The following CTNNA2 variants were observed in gnomAD, a reference collection of about 807,000 sequenced individuals.
CTNNA2 encodes the protein catenin alpha 2, also known as catenin alpha-2.
In CTNNA2, 42 loss-of-function variants were observed where a neutral mutation model predicts 101.0. The ratio of observed to expected loss-of-function variants is 0.42; its 90% confidence interval spans 0.32 to 0.54. The LOEUF is 0.54. Among genes scored for constraint, CTNNA2 ranks in the 20% least tolerant of loss-of-function variants. CTNNA2 has a pLI of 0.14. For synonymous variants in CTNNA2, 450 were observed against 456.4 expected (o/e 0.99, Z 0.18); for missense variants, 871 against 1,223.1 (o/e 0.71, Z 4.29).
intron 7 of CTNNA2, among the ~76,000 whole-genome samples, chr2:80,120,775 C>T (rs148379450): frequency 2.6e-5 from 4 of 152,184 alleles, no homozygotes; most frequent in East Asian, 1.9e-4. Context: ...CTCTTAAGGG[C>T]GTATACCTAG....
intron 2 of CTNNA2, among the ~76,000 whole-genome samples, chr2:79,228,865 T>C (rs1358953227): frequency 1.3e-5 from 2 of 152,178 alleles, no homozygotes; most frequent in African/African-American, 2.4e-5. Flanking sequence ...GGTTTCCTTC[T>C]AGGATTTTTT....
intron 7 of CTNNA2, among the ~76,000 whole-genome samples, chr2:80,142,493 A>C (rs1196882604): frequency 6.6e-6 from 1 of 152,194 alleles, no homozygotes; most frequent in Non-Finnish European, 1.5e-5. Context: ...AACAGATGAA[A>C]AAAGCAGAAA....
intron 4 of CTNNA2, among the ~76,000 whole-genome samples, chr2:79,408,304 T>G (rs992860926): frequency 3.3e-5 from 5 of 150,960 alleles, no homozygotes; most frequent in African/African-American, 1.2e-4. Flanking sequence ...TTATTATTAT[T>G]ATTATTATTA....
intron 1 of CTNNA2, among the ~76,000 whole-genome samples, chr2:79,542,729 A>C (rs1000838637): frequency 2.6e-5 from 4 of 152,186 alleles, no homozygotes; most frequent in Non-Finnish European, 5.9e-5. Flanking sequence ...GAGCTGCTTT[A>C]ATTTTGGAAA....
intron 1 of CTNNA2, among the ~76,000 whole-genome samples, chr2:79,551,518 C>T (rs1351414801): frequency 6.6e-6 from 1 of 152,138 alleles, no homozygotes; most frequent in African/African-American, 2.4e-5. Context: ...TCTACACCTG[C>T]GTTAGTCCCA....
intron 3 of CTNNA2, among the ~76,000 whole-genome samples, chr2:79,759,999 G>A (rs1012404761): frequency 2.0e-5 from 3 of 152,236 alleles, no homozygotes; most frequent in East Asian, 3.9e-4. Flanking sequence ...ATTTTAAGGC[G>A]GTATAGCATA....
At chr2:79,301,906 C>T (rs1447245916) in intron 2 of CTNNA2, among the ~76,000 whole-genome samples, 1 of 151,930 alleles carries the variant, frequency 6.6e-6, no homozygotes, top group Non-Finnish European at 1.5e-5. Context: ...GCCTGGCCAA[C>T]AGGATGAAAC....
chr2:80,373,300 A>T (rs188057909), intron 7 of CTNNA2, among the ~76,000 whole-genome samples: 5 of 152,276 alleles, frequency 3.3e-5, no homozygotes, highest in Admixed American at 6.5e-5. Context: ...TTTAGTCAAC[A>T]TGTAGGTTGT....
chr2:80,130,465 C>T (rs1292853696), intron 7 of CTNNA2, among the ~76,000 whole-genome samples: 1 of 152,140 alleles, frequency 6.6e-6, no homozygotes, highest in Non-Finnish European at 1.5e-5. Flanking sequence ...GGGAGTATGT[C>T]TCCCACTCTC....
At chr2:80,591,668 T>G (rs1477783425) in intron 15 of CTNNA2, among the ~76,000 whole-genome samples, 6 of 151,990 alleles carry the variant, frequency 3.9e-5, no homozygotes, top group African/African-American at 1.4e-4. Context: ...TGTAGCTGAT[T>G]AGGAATTGAA....
At chr2:80,263,631 C>T (rs538158732) in intron 7 of CTNNA2, among the ~76,000 whole-genome samples, 6 of 152,294 alleles carry the variant, frequency 3.9e-5, no homozygotes, top group South Asian at 2.1e-4. Context: ...CCACTGCACC[C>T]GGCCATGTGT....
At chr2:79,522,143 A>C (rs1228233645) in intron 1 of CTNNA2, among the ~76,000 whole-genome samples, 3 of 152,206 alleles carry the variant, frequency 2.0e-5, no homozygotes, top group Non-Finnish European at 4.4e-5. Flanking sequence ...CAACCACTCT[A>C]GATTCTGTCT....
At chr2:80,334,523 G>A (rs1222835323) in intron 7 of CTNNA2, among the ~76,000 whole-genome samples, 1 of 152,162 alleles carries the variant, frequency 6.6e-6, no homozygotes, top group Non-Finnish European at 1.5e-5. Context: ...TGATGCCATG[G>A]CAACAGGCTA....
At chr2:80,322,194 TAC>T (rs1678763610) in intron 7 of CTNNA2, among the ~76,000 whole-genome samples, 5 of 152,330 alleles carry the variant, frequency 3.3e-5, no homozygotes, top group Non-Finnish European at 5.9e-5. Flanking sequence ...CTTTCTAGTC[TAC>T]TACCAGGCTT....
intron 1 of CTNNA2, among the ~76,000 whole-genome samples, chr2:79,546,988 A>AAAG (rs3040873): frequency 0.7 from 105,876 of 151,616 alleles, 37,091 homozygotes; most frequent in African/African-American, 0.74. Flanking sequence ...GAATTTGTGA[A>AAAG]AAGAACGCTT....
At chr2:80,313,271 T>G in intron 7 of CTNNA2, 1 of 719,328 alleles carries the variant, frequency 1.4e-6, no homozygotes, top group East Asian at 6.4e-5. Context: ...CACTCCTCAA[T>G]CTCTGACAAG....
At chr2:79,940,176 T>C (rs1013189292) in intron 7 of CTNNA2, among the ~76,000 whole-genome samples, 3 of 152,180 alleles carry the variant, frequency 2.0e-5, no homozygotes, top group Non-Finnish European at 4.4e-5. Flanking sequence ...TTTTATAAAT[T>C]AGATAGTGTT....
At chr2:80,628,903 TTG>T (rs1671977611) in intron 18 of CTNNA2, among the ~76,000 whole-genome samples, 1 of 152,058 alleles carries the variant, frequency 6.6e-6, no homozygotes, top group South Asian at 2.1e-4. Flanking sequence ...ATGCCCTCCA[TTG>T]AGTGGAACAA....
Position 80,019,903 on chromosome 2 carries a change from A to G in CTNNA2, c.1056+110106A>G, listed in dbSNP as rs570828841. Among the ~76,000 whole-genome samples, 4 of 152,304 alleles carry G rather than the reference A, an allele frequency of 2.6e-5. No individual in the cohort carries two copies. The South Asian group carries it at 6.2e-4, about 24-fold the overall frequency. ...GTAACTATAGTCTCTGTACGAGCAGACATTTAGACCCCTGTAGTTCCCTAC... is the reference window on the plus strand; with the variant it reads ...GTAACTATAGTCTCTGTACGAGCAGGCATTTAGACCCCTGTAGTTCCCTAC... On this transcript the variant is annotated intron_variant, in intron 7 of 18. Coordinates refer to ENST00000402739, the MANE Select transcript of CTNNA2 (RefSeq NM_001282597.3).
Sources: allele counts gnomAD v4.1 joint callset (sites outside exome capture counted in the v4.1 genomes callset), GRCh38; gene constraint gnomAD v4.1.1; transcripts MANE v1.5; gene names NCBI Gene and HGNC (gene_info 2026-07-23, HGNC 2026-07-21).